CDH12: variants seen among roughly 807,000 people sequenced by gnomAD.
CDH12 encodes cadherin-12.
Under a neutral mutation model 74.1 loss-of-function variants are expected in CDH12, and 41 were observed. The ratio of observed to expected loss-of-function variants is 0.55; its 90% CI spans 0.43 to 0.72. The LOEUF (loss-of-function observed/expected upper bound fraction) is 0.72. CDH12 is among the 30% of genes least tolerant of loss of function. The pLI, the probability that CDH12 is intolerant of heterozygous loss-of-function variation, is 0.00. For missense variants in CDH12, 945 were observed against 977.2 expected (o/e 0.97, Z 0.44); for synonymous variants, 399 against 355.0 (o/e 1.12, Z -1.39).
At chr5:22,451,017 G>A (rs1745021484) in intron 2 of CDH12, among the ~76,000 whole-genome samples, 1 of 151,136 alleles carries the variant, frequency 6.6e-6, no homozygotes, top group African/African-American at 2.4e-5. Context: ...CATTCTCAAA[G>A]CATTTAACTC....
chr5:21,899,262 AT>A (rs1753272304), intron 6 of CDH12, among the ~76,000 whole-genome samples: 1 of 152,226 alleles, frequency 6.6e-6, no homozygotes, highest in Non-Finnish European at 1.5e-5. Flanking sequence ...ACAAATCTTT[AT>A]GTACACATTA....
At chr5:22,378,269 T>G (rs1324219124) in intron 3 of CDH12, among the ~76,000 whole-genome samples, 1 of 152,124 alleles carries the variant, frequency 6.6e-6, no homozygotes, top group Non-Finnish European at 1.5e-5. Flanking sequence ...GACTTTTTCC[T>G]CATTCTTAAA....
chr5:22,732,465 TATATATACACACAC>T lies in CDH12; in HGVS notation c.-523+120579_-523+120592del, dbSNP rs776395876. ...ATATGTGAATGTGTGTGTATATATA[TATATATACACACAC>T]ACACACACACACACACACACACATA... is the stretch of plus-strand genomic sequence containing the variant. On this transcript the variant is annotated intron_variant, in intron 1 of 14. Coordinates refer to ENST00000382254, the MANE Select transcript of CDH12 (RefSeq NM_004061.5). 5.5e-3 allele frequency among the ~76,000 whole-genome samples: 527 copies of T among 96,440 alleles called. 3 individuals carry two copies. The highest frequency in any genetic ancestry group is 0.017 in the African/African-American group (476 of 27,412). 63.3% of individuals were successfully genotyped at this position (96,440 alleles called of 152,430 possible).
intron 1 of CDH12, among the ~76,000 whole-genome samples, chr5:22,524,914 A>G (rs1052283273): frequency 2.0e-5 from 3 of 150,850 alleles, no homozygotes; most frequent in African/African-American, 4.9e-5. Context: ...GCACCCATTA[A>G]CTCGTCATTT....
intron 2 of CDH12, among the ~76,000 whole-genome samples, chr5:22,473,124 C>T (rs775973452): frequency 6.6e-6 from 1 of 152,072 alleles, no homozygotes; most frequent in Non-Finnish European, 1.5e-5. Context: ...TGCCTTTGCA[C>T]TGGATATTTG....
At chr5:22,586,494 T>TATAC (rs1182544879) in intron 1 of CDH12, among the ~76,000 whole-genome samples, 1 of 149,036 alleles carries the variant, frequency 6.7e-6, no homozygotes, top group East Asian at 2.0e-4. Flanking sequence ...TAATAAAATA[T>TATAC]ATATATATAT....
At chr5:22,477,567 A>G (rs1017004424) in intron 2 of CDH12, among the ~76,000 whole-genome samples, 3 of 152,152 alleles carry the variant, frequency 2.0e-5, no homozygotes, top group African/African-American at 7.2e-5. Flanking sequence ...TGAGTCTATG[A>G]TACAATGATT....
chr5:21,846,897 C>T (rs1294786637), intron 7 of CDH12, among the ~76,000 whole-genome samples: 1 of 152,096 alleles, frequency 6.6e-6, no homozygotes, highest in South Asian at 2.1e-4. Flanking sequence ...TTTTGCTCTT[C>T]TCCAAATTCT....
intron 1 of CDH12, among the ~76,000 whole-genome samples, chr5:22,640,692 A>G (rs1213680276): frequency 2.6e-5 from 4 of 152,150 alleles, no homozygotes; most frequent in African/African-American, 7.2e-5. Context: ...ATATCATATG[A>G]CTTTTTAAAA....
At chr5:21,834,203 C>G (rs189694194) in intron 8 of CDH12, among the ~76,000 whole-genome samples, 2 of 151,112 alleles carry the variant, frequency 1.3e-5, no homozygotes, top group African/African-American at 4.9e-5. Flanking sequence ...TTAAATGTTT[C>G]CACCGAAGTG....
chr5:22,625,985 C>T (rs543744004), intron 1 of CDH12, among the ~76,000 whole-genome samples: 1 of 152,082 alleles, frequency 6.6e-6, no homozygotes. Flanking sequence ...CATGTGTGCA[C>T]CCTGCTCCCC....
At chr5:22,768,095 T>C (rs1430711767) in intron 1 of CDH12, among the ~76,000 whole-genome samples, 1 of 152,040 alleles carries the variant, frequency 6.6e-6, no homozygotes, top group Non-Finnish European at 1.5e-5. Flanking sequence ...TTCTAGAATA[T>C]AGTACAGAAA....
At chr5:22,098,496 C>T (rs183181228) in intron 4 of CDH12, among the ~76,000 whole-genome samples, 145 of 152,232 alleles carry the variant, frequency 9.5e-4, no homozygotes, top group African/African-American at 3.1e-3. Flanking sequence ...CAGCAGCTGC[C>T]GCTGCTTTAA....
At chr5:22,081,201 T>A (rs1019028850) in intron 4 of CDH12, among the ~76,000 whole-genome samples, 11 of 152,220 alleles carry the variant, frequency 7.2e-5, no homozygotes, top group African/African-American at 2.7e-4. Flanking sequence ...AATCACAAAC[T>A]GTGATTTCTA....
At chr5:21,962,999 C>T (rs1756427951) in intron 6 of CDH12, among the ~76,000 whole-genome samples, 1 of 152,038 alleles carries the variant, frequency 6.6e-6, no homozygotes, top group Non-Finnish European at 1.5e-5. Context: ...TAGGCCTACC[C>T]CATGCCTCTT....
intron 1 of CDH12, among the ~76,000 whole-genome samples, chr5:22,740,768 T>G (rs1744989532): frequency 6.6e-6 from 1 of 152,098 alleles, no homozygotes; most frequent in Admixed American, 6.6e-5. Flanking sequence ...TGAACAATTT[T>G]GTGATTCCAA....
intron 1 of CDH12, among the ~76,000 whole-genome samples, chr5:22,535,564 C>T (rs1161261159): frequency 6.6e-6 from 1 of 152,126 alleles, no homozygotes; most frequent in Non-Finnish European, 1.5e-5. Flanking sequence ...CTTAATATTA[C>T]TATTTTGTAA....
chr5:22,073,998 T>C (rs1423696701), intron 5 of CDH12, among the ~76,000 whole-genome samples: 2 of 152,140 alleles, frequency 1.3e-5, no homozygotes, highest in Non-Finnish European at 2.9e-5. Flanking sequence ...CTTAGAACAA[T>C]GTAAGTTTGA....
chr5:22,672,033 C>A (rs10037678), intron 1 of CDH12, among the ~76,000 whole-genome samples: 2 of 140,918 alleles, frequency 1.4e-5, no homozygotes, highest in African/African-American at 2.6e-5. Flanking sequence ...TATAAATATA[C>A]GTAAAATATA....
Sources: allele counts gnomAD v4.1 joint callset (sites outside exome capture counted in the v4.1 genomes callset), GRCh38; gene constraint gnomAD v4.1.1; transcripts MANE v1.5; gene names NCBI Gene and HGNC (gene_info 2026-07-23, HGNC 2026-07-21).